AR: variants seen among roughly 807,000 people sequenced by gnomAD.
AR encodes androgen receptor, also known as dihydrotestosterone receptor.
A neutral mutation model predicts 53.9 loss-of-function variants in AR; 8 were observed. The observed-to-expected ratio is 0.15, with a 90% confidence interval of 0.09 to 0.27. The LOEUF (loss-of-function observed/expected upper bound fraction) is 0.27, where lower values mean the gene tolerates loss of function less well. Ranked by LOEUF, AR falls within the 10% of genes least tolerant of loss-of-function variation. AR has a pLI of 1.00. For missense variants in AR, 639 were observed against 742.5 expected, an observed-to-expected ratio of 0.86 and a Z score of 1.62; for synonymous variants, 359 against 316.4, an observed-to-expected ratio of 1.13 and a Z score of -1.43.
chrX:67,709,239 T>G (rs932749503), intron 3 of AR, among the ~76,000 whole-genome samples: 1 of 112,085 alleles, frequency 8.9e-6, no homozygotes, highest in African/African-American at 3.2e-5. Context: ...CCCCCAGAGG[T>G]GGAGTCTACA....
At chrX:67,633,445 C>G (rs1216593088) in intron 1 of AR, among the ~76,000 whole-genome samples, 3 of 112,033 alleles carry the variant, frequency 2.7e-5, no homozygotes, top group Non-Finnish European at 5.6e-5. Context: ...GATTCATCCA[C>G]GTTGCTGCAA....
chrX:67,639,209 G>A (rs1161306974), intron 1 of AR, among the ~76,000 whole-genome samples: 4 of 111,945 alleles, frequency 3.6e-5, no homozygotes, highest in African/African-American at 1.3e-4. Flanking sequence ...GTGCTATTTT[G>A]GTTACTGTAG....
chrX:67,608,308 T>A (rs1459427980), intron 1 of AR, among the ~76,000 whole-genome samples: 1 of 112,160 alleles, frequency 8.9e-6, no homozygotes, highest in African/African-American at 3.2e-5. Flanking sequence ...TTGAATGTCC[T>A]TCTATCTTAT....
intron 3 of AR, chrX:67,696,108 GAATT>G: frequency 1.4e-6 from 1 of 739,753 alleles, no homozygotes. Flanking sequence ...CAGACTGAGA[GAATT>G]AATGCTGTTA....
chrX:67,643,441 T>G, intron 2 of AR, 34 bp downstream of exon 2: 1 of 1,188,125 alleles, frequency 8.4e-7, no homozygotes, highest in African/African-American at 1.7e-5. Flanking sequence ...TCTCTTTCCC[T>G]TTCTCCTTTA....
chrX:67,649,331 A>G (rs1926218403), intron 2 of AR, among the ~76,000 whole-genome samples: 1 of 112,096 alleles, frequency 8.9e-6, no homozygotes, highest in Non-Finnish European at 1.9e-5. Flanking sequence ...GCTGCAATAA[A>G]CATACGTATG....
chrX:67,713,251 C>G (rs943355242), intron 4 of AR, among the ~76,000 whole-genome samples: 1 of 110,460 alleles, frequency 9.1e-6, no homozygotes, highest in African/African-American at 3.3e-5. Flanking sequence ...CAGCCCTAAC[C>G]ATCTCTTATA....
chrX:67,658,170 T>C (rs1410939769), intron 2 of AR, among the ~76,000 whole-genome samples: 2 of 111,863 alleles, frequency 1.8e-5, no homozygotes, highest in Non-Finnish European at 3.8e-5. Context: ...TGTGGAGGAA[T>C]GGAATCACCA....
At chrX:67,591,673 A>G (rs1922838010) in intron 1 of AR, among the ~76,000 whole-genome samples, 1 of 111,372 alleles carries the variant, frequency 9.0e-6, no homozygotes, top group African/African-American at 3.3e-5. Flanking sequence ...ATGTCTTAGA[A>G]TCAATTAACC....
At chrX:67,705,817 C>A (rs1332949468) in intron 3 of AR, among the ~76,000 whole-genome samples, 2 of 111,178 alleles carry the variant, frequency 1.8e-5, no homozygotes, top group Admixed American at 1.9e-4. Flanking sequence ...TGAGATACGT[C>A]CCATCAATAC....
Position 67,698,165 on chromosome X carries a change from G to C in AR, c.1885+12039G>C, listed in dbSNP as rs751175683. 2.3e-4 allele frequency among the ~76,000 whole-genome samples: 26 copies of C among 112,121 alleles called. 1 individual carries two copies. Among genetic ancestry groups the C allele is most frequent in the Non-Finnish European group, 4.5e-4 (24 of 53,213 alleles). The stretch of plus-strand genomic sequence containing the variant: ...CTACTACTCTTTATACATATGTAAG[G>C]AAACTAAAAGCAAAAGAGGGAAAGA... On this transcript the variant is annotated intron_variant, in intron 3 of 7. Transcript: ENST00000374690.
At chrX:67,564,206 T>C (rs1177645103) in intron 1 of AR, among the ~76,000 whole-genome samples, 1 of 111,622 alleles carries the variant, frequency 9.0e-6, no homozygotes, top group East Asian at 2.8e-4. Flanking sequence ...CTTGGGTATA[T>C]TTAAAGATCT....
At chrX:67,705,149 G>A (rs1336382612) in intron 3 of AR, among the ~76,000 whole-genome samples, 4 of 111,300 alleles carry the variant, frequency 3.6e-5, no homozygotes, top group Non-Finnish European at 5.7e-5. Context: ...GGTTCCATAT[G>A]AACTTTAAAG....
chrX:67,672,008 T>C (rs1403390528), intron 2 of AR, among the ~76,000 whole-genome samples: 1 of 111,082 alleles, frequency 9.0e-6, no homozygotes, highest in African/African-American at 3.3e-5. Context: ...TACCACTTGA[T>C]TGGTGAGAGA....
At chrX:67,601,923 A>C (rs1449775633) in intron 1 of AR, among the ~76,000 whole-genome samples, 4 of 111,990 alleles carry the variant, frequency 3.6e-5, no homozygotes, top group Non-Finnish European at 5.6e-5. Flanking sequence ...GTCACACAGC[A>C]AGTCAGTGGT....
chrX:67,722,199 A>C, intron 6 of AR: 3 of 386,562 alleles, frequency 7.8e-6, no homozygotes, highest in African/African-American at 2.5e-5. Context: ...TTCCCCACCT[A>C]TCCCCAGTCT....
chrX:67,670,887 A>G (rs1466962483), intron 2 of AR, among the ~76,000 whole-genome samples: 2 of 110,834 alleles, frequency 1.8e-5, no homozygotes, highest in Non-Finnish European at 3.8e-5. Flanking sequence ...TTTGCTGAGG[A>G]TGATGGTTTC....
intron 3 of AR, among the ~76,000 whole-genome samples, chrX:67,689,366 A>G (rs746858059): frequency 1.8e-5 from 2 of 111,363 alleles, no homozygotes; most frequent in African/African-American, 6.5e-5. Context: ...TCTGTATCTT[A>G]AAGAAGCTGG....
chrX:67,673,925 G>T (rs2075882840), intron 2 of AR, among the ~76,000 whole-genome samples: 1 of 110,939 alleles, frequency 9.0e-6, no homozygotes, highest in South Asian at 3.9e-4. Flanking sequence ...GTTCATACCT[G>T]CCCTCCTTGG....
Sources: gnomAD v4.1 joint callset for allele counts (sites outside exome capture counted in the v4.1 genomes callset) on GRCh38, gnomAD v4.1.1 for gene constraint, MANE v1.5 for transcripts, NCBI Gene and HGNC (gene_info 2026-07-23, HGNC 2026-07-21) for gene names.